MTHFD1: variants seen among roughly 807,000 people sequenced by gnomAD.
MTHFD1 encodes methylenetetrahydrofolate dehydrogenase, cyclohydrolase and formyltetrahydrofolate synthetase 1, also known as C-1-tetrahydrofolate synthase, cytoplasmic.
MTHFD1 carries 44 observed loss-of-function variants against 110.3 expected under a neutral mutation model. The ratio of observed to expected loss-of-function variants is 0.40; its 90% CI spans 0.31 to 0.51. MTHFD1 has a LOEUF of 0.51. Among genes scored for constraint, MTHFD1 ranks in the 20% least tolerant of loss-of-function variants. MTHFD1 has a pLI of 0.60. For synonymous variants in MTHFD1, 402 were observed against 428.8 expected, an observed-to-expected ratio of 0.94 and a Z score of 0.77; for missense variants, 909 against 1,173.1, an observed-to-expected ratio of 0.77 and a Z score of 3.29.
chr14:64,444,032 A>G (rs187525656), intron 21 of MTHFD1, among the ~76,000 whole-genome samples: 4 of 147,772 alleles, frequency 2.7e-5, no homozygotes, highest in Admixed American at 2.7e-4. Flanking sequence ...GGTGGGGCCC[A>G]TGAAATGGAC....
chr14:64,430,311 T>C (rs774560401), intron 13 of MTHFD1, 81 bp downstream of exon 13: 158 of 1,306,628 alleles, frequency 1.2e-4, no homozygotes, highest in Non-Finnish European at 1.7e-4. Flanking sequence ...TCCCTTTTTT[T>C]CCCCATGACG....
At chr14:64,397,104 CAAAAAAAAAAAAAAAAAAAAAA>C (rs1189095379) in intron 1 of MTHFD1, among the ~76,000 whole-genome samples, 9 of 7,126 alleles carry the variant, frequency 1.3e-3, no homozygotes, top group Non-Finnish European at 1.9e-3. Flanking sequence ...GACTGCGTCT[CAAAAAAAAAAAAAAAAAAAAAA>C]AAAAAAAAAA....
chr14:64,407,557 T>C (rs1442575495), intron 2 of MTHFD1, among the ~76,000 whole-genome samples: 2 of 151,160 alleles, frequency 1.3e-5, no homozygotes, highest in African/African-American at 4.9e-5. Context: ...TTTTTTTTTT[T>C]TTTTTGAGTC....
intron 1 of MTHFD1, among the ~76,000 whole-genome samples, chr14:64,399,208 C>T (rs578084110): frequency 2.6e-5 from 4 of 152,224 alleles, no homozygotes; most frequent in Admixed American, 2.6e-4. Context: ...ATGACAGCAC[C>T]TGGAGAGTGG....
chr14:64,434,949 CTTTTTTT>C (rs374039248), intron 15 of MTHFD1, among the ~76,000 whole-genome samples: 6 of 80,824 alleles, frequency 7.4e-5, no homozygotes, highest in Admixed American at 1.6e-4. Context: ...TCCCTCTTTT[CTTTTTTT>C]TTTTTTTTTT....
chr14:64,436,413 CT>C (rs2078206649), intron 16 of MTHFD1, among the ~76,000 whole-genome samples: 1 of 152,056 alleles, frequency 6.6e-6, no homozygotes, highest in Non-Finnish European at 1.5e-5. Context: ...ATTTTTTTAC[CT>C]CATTTTATTA....
chr14:64,421,305 C>G (rs1210083413), intron 8 of MTHFD1, among the ~76,000 whole-genome samples: 1 of 152,230 alleles, frequency 6.6e-6, no homozygotes, highest in Non-Finnish European at 1.5e-5. Flanking sequence ...TTCCTGCCAT[C>G]TGACCACTGG....
chr14:64,415,293 A>G, intron 4 of MTHFD1, 65 bp from the exon 5 acceptor site: 28 of 1,460,316 alleles, frequency 1.9e-5, no homozygotes, highest in Non-Finnish European at 2.7e-5. Context: ...TTTGCCTTAG[A>G]AAGTGTTTCT....
In MTHFD1 at chr14:64,423,324, C is replaced by A. The variant is rs1480731272; in HGVS notation, c.728-1480C>A. ...TAATGTACACATTTTCTCATTTTGCCCTCAGCAAATTTGTGATAGGTAGTG... is the reference window on the plus strand; with the variant it reads ...TAATGTACACATTTTCTCATTTTGCACTCAGCAAATTTGTGATAGGTAGTG... On this transcript the variant is annotated intron_variant, in intron 8 of 27. Coordinates refer to ENST00000652337, the MANE Select transcript of MTHFD1 (RefSeq NM_005956.4). 7.2e-5 allele frequency among the ~76,000 whole-genome samples: 11 copies of A among 152,078 alleles called. 1 individual carries two copies. The highest frequency in any genetic ancestry group is 1.3e-4 in the Non-Finnish European group (9 of 68,016).
chr14:64,415,904 A>T (rs2078022265), intron 6 of MTHFD1, among the ~76,000 whole-genome samples, 165 bp downstream of exon 6: 1 of 152,208 alleles, frequency 6.6e-6, no homozygotes, highest in Non-Finnish European at 1.5e-5. Flanking sequence ...CAATTTTCTC[A>T]GCAACTCTGT....
chr14:64,410,081 A>T (rs903330379), intron 2 of MTHFD1, among the ~76,000 whole-genome samples: 2 of 152,228 alleles, frequency 1.3e-5, no homozygotes, highest in African/African-American at 4.8e-5. Context: ...ATATTAGTAC[A>T]ATAAAATTTT....
chr14:64,434,983 A>T (rs1397401445), intron 15 of MTHFD1, among the ~76,000 whole-genome samples: 3 of 90,414 alleles, frequency 3.3e-5, no homozygotes, highest in African/African-American at 4.2e-5. Context: ...TTTGAGATGG[A>T]GTCTCACCCA....
chr14:64,438,992 A>C, intron 16 of MTHFD1, 104 bp from the exon 17 acceptor site: 2 of 820,462 alleles, frequency 2.4e-6, no homozygotes, highest in Non-Finnish European at 4.3e-6. Flanking sequence ...AAATATTGAT[A>C]GACAATCATG....
chr14:64,407,050 C>A (rs2077941349), intron 2 of MTHFD1, among the ~76,000 whole-genome samples: 1 of 152,140 alleles, frequency 6.6e-6, no homozygotes, highest in South Asian at 2.1e-4. Flanking sequence ...CAAGAACATT[C>A]ATGATCTGGC....
rs140476600 is a variant in MTHFD1, at chr14:64,421,917, A to G, written c.727+1992A>G. ...TGGGATTACAGGCGTGAGCCACCGC[A>G]CCCAGCAAGCTCAGTCTTTTTAAAA... On this transcript the variant is annotated intron_variant, in intron 8 of 27. Transcript: ENST00000652337. Among the ~76,000 whole-genome samples the G allele has an allele frequency of 7.0e-3, 1,068 of 151,720 alleles. 13 individuals are homozygous for G. The highest frequency in any genetic ancestry group is 0.024 in the African/African-American group (993 of 41,414).
At chr14:64,443,496 G>A (rs137912425) in intron 21 of MTHFD1, among the ~76,000 whole-genome samples, 31 of 152,312 alleles carry the variant, frequency 2.0e-4, no homozygotes, top group African/African-American at 7.2e-4. Context: ...ATGATAATGA[G>A]AGTAAAAGGG....
intron 4 of MTHFD1, 143 bp downstream of exon 4, chr14:64,412,668 G>A (rs1229654374): frequency 3.4e-6 from 2 of 589,520 alleles, no homozygotes; most frequent in Non-Finnish European, 5.8e-6. Context: ...ACACAGTTTT[G>A]CTCATGTCAC....
At chr14:64,458,755 A>G (rs1413841930) in intron 27 of MTHFD1, 1 of 208,798 alleles carries the variant, frequency 4.8e-6, no homozygotes, top group Admixed American at 5.2e-5. Flanking sequence ...AGAGAAGGAA[A>G]CAGGACCAAT....
intron 27 of MTHFD1, 149 bp downstream of exon 27, chr14:64,458,456 A>G: frequency 1.4e-6 from 1 of 704,338 alleles, no homozygotes; most frequent in East Asian, 2.7e-5. Context: ...GGGGATAGTA[A>G]TGAGAGTTGG....
Sources: gnomAD v4.1 joint callset for allele counts (sites outside exome capture counted in the v4.1 genomes callset) on GRCh38, gnomAD v4.1.1 for gene constraint, MANE v1.5 for transcripts, NCBI Gene and HGNC (gene_info 2026-07-23, HGNC 2026-07-21) for gene names.